Variants in KLRG1 observed in about 807,000 individuals in gnomAD.
The protein encoded by KLRG1 is killer cell lectin-like receptor subfamily G member 1.
KLRG1 carries 16 observed loss-of-function variants against 21.8 expected under a neutral mutation model. The observed-to-expected ratio is 0.73, with a 90% CI of 0.50 to 1.11. The LOEUF is 1.11. Among genes scored for constraint, KLRG1 ranks in the 50% most tolerant of loss-of-function variants. The probability of loss-of-function intolerance (pLI) is 0.00; values close to 1 mark genes in which losing one functional copy is unlikely to be tolerated. For missense variants in KLRG1, 173 were observed against 218.3 expected, an observed-to-expected ratio of 0.79 and a Z score of 1.31; for synonymous variants, 69 against 75.9, an observed-to-expected ratio of 0.91 and a Z score of 0.47.
At chr12:9,154,656 A>G in the KLRG1 span, 202 of 1,614,210 alleles carry the variant, frequency 1.3e-4, no homozygotes, top group Non-Finnish European at 1.6e-4. Flanking sequence ...CTGCTGCTTC[A>G]TGATCCACTT....
chr12:9,040,942 AC>A, the KLRG1 span, among the ~76,000 whole-genome samples: 1 of 152,264 alleles, frequency 6.6e-6, no homozygotes, highest in Non-Finnish European at 1.5e-5. Context: ...CAAGTGAATC[AC>A]GACCACTGCC....
At chr12:9,094,959 A>T in the KLRG1 span, 1 of 1,376,050 alleles carries the variant, frequency 7.3e-7, no homozygotes, top group Non-Finnish European at 9.8e-7. Flanking sequence ...TATATTTATT[A>T]ATTTTTTGTT....
the KLRG1 span, among the ~76,000 whole-genome samples, chr12:9,183,412 T>TG: frequency 6.6e-6 from 1 of 151,842 alleles, no homozygotes; most frequent in Non-Finnish European, 1.5e-5. Context: ...AATGTAATTT[T>TG]TTTTTGAGAC....
At chr12:9,021,574 T>G in the KLRG1 span, among the ~76,000 whole-genome samples, 1 of 151,882 alleles carries the variant, frequency 6.6e-6, no homozygotes, top group East Asian at 1.9e-4. Flanking sequence ...CTAATTTTTT[T>G]TTTTTACTCT....
At chr12:9,005,381 A>G (rs1947442476) in intron 3 of KLRG1, among the ~76,000 whole-genome samples, 1 of 152,220 alleles carries the variant, frequency 6.6e-6, no homozygotes, top group Admixed American at 6.5e-5. Flanking sequence ...GAAAATGTGT[A>G]TGTATACACC....
At chr12:8,980,222 TTTTTTTTG>T (rs1023364922) in intron 1 of KLRG1, among the ~76,000 whole-genome samples, 3 of 151,790 alleles carry the variant, frequency 2.0e-5, no homozygotes, top group East Asian at 1.9e-4. Flanking sequence ...CCTGGCCCTG[TTTTTTTTG>T]TTTTTTTGTT....
At chr12:9,182,124 C>G in the KLRG1 span, 1 of 847,166 alleles carries the variant, frequency 1.2e-6, no homozygotes, top group Non-Finnish European at 1.5e-6. Flanking sequence ...TTCACTGGAA[C>G]ATGGAGAGAG....
chr12:9,084,617 G>A, the KLRG1 span, among the ~76,000 whole-genome samples: 1 of 151,876 alleles, frequency 6.6e-6, no homozygotes, highest in African/African-American at 2.4e-5. Flanking sequence ...CAGCAAAAGA[G>A]GAACAAAGAA....
the KLRG1 span, among the ~76,000 whole-genome samples, chr12:9,039,935 T>C: frequency 6.6e-6 from 1 of 152,204 alleles, no homozygotes; most frequent in Non-Finnish European, 1.5e-5. Context: ...GTATGGACAC[T>C]ACTAGAATGA....
chr12:9,004,997 A>G (rs1947426296), intron 3 of KLRG1, among the ~76,000 whole-genome samples: 1 of 152,180 alleles, frequency 6.6e-6, no homozygotes, highest in South Asian at 2.1e-4. Flanking sequence ...TGTTGAAGAG[A>G]TATGTTCACT....
chr12:9,012,010 C>T (rs1027008994), downstream of KLRG1, among the ~76,000 whole-genome samples: 1 of 152,210 alleles, frequency 6.6e-6, no homozygotes, highest in Non-Finnish European at 1.5e-5. Flanking sequence ...CTAAAACACT[C>T]TGGGATCCTA....
chr12:9,166,335 A>G, the KLRG1 span: 5 of 819,110 alleles, frequency 6.1e-6, no homozygotes, highest in African/African-American at 1.8e-5. Context: ...AAGTTGTAGA[A>G]CTTGGGAAAT....
At chr12:9,141,633 A>T in the KLRG1 span, among the ~76,000 whole-genome samples, 48 of 152,318 alleles carry the variant, frequency 3.2e-4, 1 homozygote, top group East Asian at 9.1e-3. Flanking sequence ...ATTTTATTCA[A>T]CTTAAAACAA....
chr12:9,124,249 C>T, the KLRG1 span, among the ~76,000 whole-genome samples: 5 of 152,130 alleles, frequency 3.3e-5, no homozygotes, highest in African/African-American at 9.7e-5. Context: ...TGATGGTAGC[C>T]GCTGCTGCCA....
At chr12:9,194,654 C>T in the KLRG1 span, among the ~76,000 whole-genome samples, 2 of 151,860 alleles carry the variant, frequency 1.3e-5, no homozygotes, top group African/African-American at 4.8e-5. Flanking sequence ...TTAGTAGAGA[C>T]GGGGTTTCAC....
chr12:9,197,504 T>G, the KLRG1 span, among the ~76,000 whole-genome samples: 6 of 127,818 alleles, frequency 4.7e-5, no homozygotes, highest in East Asian at 1.3e-3. Context: ...TATAAATATA[T>G]TATGTATAAT....
chr12:9,074,354 T>C, the KLRG1 span, among the ~76,000 whole-genome samples: 5 of 152,178 alleles, frequency 3.3e-5, no homozygotes, highest in Admixed American at 2.6e-4. Context: ...AACACAGCGA[T>C]GGGGTGCCGG....
At chr12:9,102,414 C>A in the KLRG1 span, among the ~76,000 whole-genome samples, 4 of 152,226 alleles carry the variant, frequency 2.6e-5, no homozygotes, top group South Asian at 8.3e-4. Context: ...CAGGGTTTCA[C>A]CACGTTGCCT....
the KLRG1 span, chr12:9,194,300 T>C: frequency 6.0e-6 from 9 of 1,495,016 alleles, 1 homozygote; most frequent in Admixed American, 1.9e-5. Context: ...TGAACTCATG[T>C]GAACAAATGC....
Sources: gnomAD v4.1 joint callset for allele counts (sites outside exome capture counted in the v4.1 genomes callset) on GRCh38, gnomAD v4.1.1 for gene constraint, MANE v1.5 for transcripts, NCBI Gene and HGNC (gene_info 2026-07-23, HGNC 2026-07-21) for gene names.